Variants in ABLIM2 observed in about 807,000 individuals in gnomAD.
ABLIM2 encodes actin-binding LIM protein 2.
Under a neutral mutation model 97.7 loss-of-function variants are expected in ABLIM2, and 53 were observed. That is an observed-to-expected ratio of 0.54 (90% CI 0.44 to 0.68). The LOEUF (loss-of-function observed/expected upper bound fraction) is 0.68. ABLIM2 is among the 30% of genes least tolerant of loss of function. ABLIM2 has a pLI of 0.00. For synonymous variants in ABLIM2, 361 were observed against 345.8 expected (o/e 1.04, Z -0.49); for missense variants, 835 against 867.2 (o/e 0.96, Z 0.47).
Position 8,127,779 on chromosome 4 carries a change from G to A in ABLIM2, c.11-21142C>T, listed in dbSNP as rs1229228936. The A allele has an allele frequency of 9.9e-6, 9 of 911,266 alleles. No individual in the cohort carries two copies. Among genetic ancestry groups the A allele is most frequent in the African/African-American group, 3.6e-5 (2 of 54,976 alleles). 56.4% of individuals were successfully genotyped at this position (911,266 alleles called of 1,614,324 possible). ...TCCCGGCACACTGAAATAGACTCCC[G>A]CCACACTATGCGCCAGAGACACACC... On this transcript the variant is annotated intron_variant, in intron 1 of 20. Coordinates refer to ENST00000447017, the MANE Select transcript of ABLIM2 (RefSeq NM_001130083.2). The surrounding 1 kb of genome is among the most constrained non-coding windows in gnomAD (Gnocchi z 7.3).
Position 8,054,375 on chromosome 4 carries a change from C to A in ABLIM2, c.764-129G>T. On this transcript the variant is annotated intron_variant, in intron 7 of 20. Coordinates refer to ENST00000447017, the MANE Select transcript of ABLIM2 (RefSeq NM_001130083.2). This position sits in a 1 kb window ranked among gnomAD's most constrained non-coding sequence, Gnocchi z 4.9. ...ACTCGGACTCCACCCTCCAAGCGGC[C>A]CTGAGCATCCTCTCTGTGCTGGAGT... The A allele has an allele frequency of 1.1e-6, 1 of 931,668 alleles. No individual in the cohort carries two copies. Among genetic ancestry groups the A allele is most frequent in the Non-Finnish European group, 1.7e-6 (1 of 597,848 alleles). The allele number at this position is 931,668 out of a possible 1,614,324, so 57.7% of individuals were successfully genotyped here. A position where few individuals can be genotyped will look rare whatever the true frequency, so the allele number is the denominator to read the frequency against.
At chr4:8,020,134 G>T in intron 13 of ABLIM2, 68 bp downstream of exon 13, 2 of 1,431,858 alleles carry the variant, frequency 1.4e-6, no homozygotes, top group South Asian at 1.3e-5. Context: ...CTGACAGTTT[G>T]GGTGTGGCCA....
At chr4:7,997,668 A>G (rs1012120704) in intron 16 of ABLIM2, among the ~76,000 whole-genome samples, 2 of 151,578 alleles carry the variant, frequency 1.3e-5, no homozygotes, top group African/African-American at 4.8e-5. Context: ...CGTGTTCTAG[A>G]CTCCAGGCCC....
chr4:7,990,417 C>A (rs1312620670), intron 17 of ABLIM2, among the ~76,000 whole-genome samples: 1 of 152,180 alleles, frequency 6.6e-6, no homozygotes, highest in East Asian at 1.9e-4. Context: ...AACTCCTGAC[C>A]TCAAGTGATC....
chr4:8,066,305 CAAAAAAA>C (rs760606194), intron 6 of ABLIM2, among the ~76,000 whole-genome samples: 1 of 43,802 alleles, frequency 2.3e-5, no homozygotes, highest in African/African-American at 8.4e-5. Context: ...GACTATGTCT[CAAAAAAA>C]AAAAAAAAAG....
chr4:8,035,576 CAAA>C (rs1158610131), intron 10 of ABLIM2, among the ~76,000 whole-genome samples: 3 of 152,180 alleles, frequency 2.0e-5, no homozygotes, highest in Non-Finnish European at 4.4e-5. Context: ...AGAGGAAAAG[CAAA>C]AACCAACAAG....
intron 17 of ABLIM2, among the ~76,000 whole-genome samples, chr4:7,988,561 T>G (rs1389997416): frequency 6.6e-6 from 1 of 152,246 alleles, no homozygotes; most frequent in Non-Finnish European, 1.5e-5. Flanking sequence ...TTGCCACTGG[T>G]CACCCTTCTT....
intron 20 of ABLIM2, among the ~76,000 whole-genome samples, chr4:7,969,730 G>GACACACACACACACACACAC (rs56236019): frequency 0.038 from 5,347 of 139,552 alleles, 224 homozygotes; most frequent in East Asian, 0.064. Flanking sequence ...CTCTCTCTCT[G>GACACACACACACACACACAC]ACACACACAC....
chr4:7,980,518 C>T (rs913547574), intron 20 of ABLIM2, among the ~76,000 whole-genome samples: 4 of 152,042 alleles, frequency 2.6e-5, no homozygotes, highest in African/African-American at 9.7e-5. Flanking sequence ...AGTTTGAGAA[C>T]AGCCTGGCCA....
intron 2 of ABLIM2, among the ~76,000 whole-genome samples, chr4:8,099,671 C>T (rs1833496402): frequency 6.6e-6 from 1 of 152,124 alleles, no homozygotes; most frequent in East Asian, 1.9e-4. Context: ...TGGTGAAACC[C>T]CGTCTCTACT....
intron 8 of ABLIM2, among the ~76,000 whole-genome samples, chr4:8,048,010 C>T (rs546687043): frequency 3.3e-4 from 50 of 152,348 alleles, no homozygotes; most frequent in Non-Finnish European, 4.0e-4. Flanking sequence ...CCAACTGTGC[C>T]TTGGTACATA....
intron 20 of ABLIM2, among the ~76,000 whole-genome samples, chr4:7,979,896 T>TGA (rs1267523052): frequency 6.6e-6 from 1 of 152,248 alleles, no homozygotes; most frequent in African/African-American, 2.4e-5. Context: ...CTGGGACTGC[T>TGA]GAGAGAGAGA....
Position 8,020,065 on chromosome 4 carries a change from G to T in ABLIM2, c.1369+137C>A, listed in dbSNP as rs188589117. 6.8e-5 allele frequency: 50 copies of T among 730,884 alleles called. No homozygotes were observed. In the East Asian group the frequency reaches 1.3e-3, roughly 19 times the overall value. 45.3% of individuals were successfully genotyped at this position (730,884 alleles called of 1,614,324 possible). A position where few individuals can be genotyped will look rare whatever the true frequency, so the allele number is the denominator to read the frequency against. The stretch of plus-strand genomic sequence containing the variant: ...CTGATGGTTTTAAAGAAATCTCAGT[G>T]CCTGGGGAGCAGTGGAGGAGCCTGG... On this transcript the variant is annotated intron_variant, in intron 13 of 20. Coordinates refer to ENST00000447017, the MANE Select transcript of ABLIM2 (RefSeq NM_001130083.2).
Position 8,155,014 on chromosome 4 carries a change from G to A in ABLIM2, c.10+3666C>T, listed in dbSNP as rs1444806992. On this transcript the variant is annotated intron_variant, in intron 1 of 20. Transcript: ENST00000447017. This position sits in a 1 kb window ranked among gnomAD's most constrained non-coding sequence, Gnocchi z 4.2. ...AGCCTTAATCACCACCATGAGAACAGTATGGGGGAAACCACCCCTGTGATT... is the reference window on the plus strand; with the variant it reads ...AGCCTTAATCACCACCATGAGAACAATATGGGGGAAACCACCCCTGTGATT... Among the ~76,000 whole-genome samples the A allele has an allele frequency of 6.6e-6, 1 of 152,206 alleles. No homozygotes were observed. The highest frequency in any genetic ancestry group is 1.9e-4 in the East Asian group (1 of 5,200).
At chr4:7,993,135 G>C (rs1469427351) in intron 16 of ABLIM2, among the ~76,000 whole-genome samples, 1 of 152,202 alleles carries the variant, frequency 6.6e-6, no homozygotes, top group Non-Finnish European at 1.5e-5. Flanking sequence ...AATGTCCTGA[G>C]CCTGCCCGTG....
chr4:8,145,475 C>T (rs550527156), intron 1 of ABLIM2, among the ~76,000 whole-genome samples: 5 of 152,224 alleles, frequency 3.3e-5, no homozygotes, highest in South Asian at 4.2e-4. Context: ...TGAGCTACCG[C>T]GCCCGGCCAG....
At chr4:8,070,245 T>G (rs1043993371) in intron 6 of ABLIM2, among the ~76,000 whole-genome samples, 7 of 151,270 alleles carry the variant, frequency 4.6e-5, no homozygotes, top group African/African-American at 1.7e-4. Context: ...CCTGTGTCTC[T>G]GTGTCCACGT....
chr4:8,144,351 T>C (rs1304021121), intron 1 of ABLIM2, among the ~76,000 whole-genome samples: 6 of 152,196 alleles, frequency 3.9e-5, no homozygotes, highest in South Asian at 2.1e-4. Context: ...AGAATCCGCA[T>C]CCACCCCCTA....
At position 8,075,451 on chromosome 4, in the gene ABLIM2, G is replaced by C. The variant is rs970238163; in HGVS notation, c.675+2177C>G. Among the ~76,000 whole-genome samples the C allele has an allele frequency of 6.6e-6, 1 of 152,172 alleles. No homozygotes were observed. The highest frequency in any genetic ancestry group is 2.4e-5 in the African/African-American group (1 of 41,434). ...CTCACACCTGTAATCCCAGCACTTT[G>C]GGCGGTGAAGGCAGGTGAATTGCTT... On this transcript the variant is annotated intron_variant, in intron 6 of 20. Transcript: ENST00000447017. The surrounding 1 kb of genome is among the most constrained non-coding windows in gnomAD (Gnocchi z 4.4).
Sources: gnomAD v4.1 joint callset for allele counts (sites outside exome capture counted in the v4.1 genomes callset) on GRCh38, gnomAD v4.1.1 for gene constraint, Gnocchi (gnomAD v3.1) non-coding constraint, MANE v1.5 for transcripts, NCBI Gene and HGNC (gene_info 2026-07-23, HGNC 2026-07-21) for gene names.